TMEM164: variants seen among roughly 807,000 people sequenced by gnomAD.
The protein encoded by TMEM164 is transmembrane protein 164.
Under a neutral mutation model 18.8 loss-of-function variants are expected in TMEM164, and 4 were observed. That is an observed-to-expected ratio of 0.21 (90% CI 0.10 to 0.49). The LOEUF is 0.49. Ranked by LOEUF, TMEM164 falls within the 20% of genes least tolerant of loss-of-function variation. The pLI, the probability that TMEM164 is intolerant of heterozygous loss-of-function variation, is 0.98. For synonymous variants in TMEM164, 86 were observed against 101.7 expected (o/e 0.85, Z 0.93); for missense variants, 108 against 239.9 (o/e 0.45, Z 3.63).
chrX:110,058,212 C>T (rs1461976341), intron 2 of TMEM164, among the ~76,000 whole-genome samples: 2 of 110,811 alleles, frequency 1.8e-5, no homozygotes, highest in Non-Finnish European at 3.8e-5. Flanking sequence ...AGCATCTTTT[C>T]CCCCATTGTG....
intron 2 of TMEM164, among the ~76,000 whole-genome samples, chrX:110,064,644 A>C (rs1461442611): frequency 9.1e-6 from 1 of 110,227 alleles, no homozygotes; most frequent in African/African-American, 3.3e-5. Context: ...ATAATCTTTC[A>C]ATCAGATACA....
intron 5 of TMEM164, among the ~76,000 whole-genome samples, chrX:110,167,906 A>G (rs778017178): frequency 8.9e-6 from 1 of 111,931 alleles, no homozygotes; most frequent in South Asian, 3.8e-4. Flanking sequence ...GTCCCCTGGT[A>G]GTATCTCTGA....
In TMEM164 at chrX:110,046,138, G is replaced by T. The variant is rs141282210; in HGVS notation, c.391-21209G>T. On this transcript the variant is annotated intron_variant, in intron 2 of 6. Coordinates refer to ENST00000372068, the MANE Select transcript of TMEM164 (RefSeq NM_032227.4). ...CTGAAGACTATTCTAGGTATTACGG[G>T]GAACAGTGGAAAAACACAGATACCT... is the stretch of plus-strand genomic sequence containing the variant. The T allele has an allele frequency of 5.7e-5, 43 of 752,591 alleles. No homozygotes were observed. The East Asian group carries it at 5.9e-3, about 104-fold the overall frequency. The allele number at this position is 752,591 out of a possible 1,213,427, so 62.0% of individuals were successfully genotyped here.
At chrX:110,079,454 A>C (rs192886030) in intron 3 of TMEM164, among the ~76,000 whole-genome samples, 2 of 111,799 alleles carry the variant, frequency 1.8e-5, no homozygotes, top group African/African-American at 6.5e-5. Flanking sequence ...CTTGGTAGAC[A>C]TTGCTATGAT....
At chrX:110,055,759 G>A (rs1935795804) in intron 2 of TMEM164, among the ~76,000 whole-genome samples, 1 of 111,279 alleles carries the variant, frequency 9.0e-6, no homozygotes, top group African/African-American at 3.3e-5. Flanking sequence ...GTGAAGATGA[G>A]TCAGGAGGAG....
intron 5 of TMEM164, among the ~76,000 whole-genome samples, chrX:110,157,479 C>T (rs1334199171): frequency 1.8e-5 from 2 of 111,339 alleles, no homozygotes; most frequent in African/African-American, 6.6e-5. Context: ...CCTCCTTTTC[C>T]CTTTCTCTCT....
intron 2 of TMEM164, among the ~76,000 whole-genome samples, chrX:110,015,036 TG>T (rs777650006): frequency 8.9e-6 from 1 of 111,913 alleles, no homozygotes; most frequent in East Asian, 2.8e-4. Context: ...CTCCGGGATA[TG>T]GTAATCCTCT....
chrX:110,173,610 C>A lies in TMEM164; in HGVS notation c.*159C>A. 2.1e-6 allele frequency: 1 copy of A among 483,565 alleles called. No homozygotes were observed. Among genetic ancestry groups the A allele is most frequent in the Non-Finnish European group, 3.4e-6 (1 of 292,223 alleles). The allele number at this position is 483,565 out of a possible 1,213,427, so 39.9% of individuals were successfully genotyped here. ...CCCTTTCTTCTACCACTCTTCCTTT[C>A]CCAGCTCTTCCCCCTACGATGTCTC... On this transcript the variant is annotated 3_prime_UTR_variant, in exon 7 of 7. Coordinates refer to ENST00000372068, the MANE Select transcript of TMEM164 (RefSeq NM_032227.4).
intron 2 of TMEM164, among the ~76,000 whole-genome samples, chrX:110,056,713 T>G (rs1458649288): frequency 9.0e-6 from 1 of 111,714 alleles, no homozygotes; most frequent in Non-Finnish European, 1.9e-5. Flanking sequence ...TGTGTTTGCC[T>G]TTTATATTTT....
At chrX:110,152,883 CTT>C (rs1474052774) in intron 5 of TMEM164, among the ~76,000 whole-genome samples, 1 of 111,497 alleles carries the variant, frequency 9.0e-6, no homozygotes, top group African/African-American at 3.3e-5. Context: ...GATCATAGCT[CTT>C]TGTCATTTGG....
intron 2 of TMEM164, among the ~76,000 whole-genome samples, chrX:110,023,254 C>T (rs777701404): frequency 1.8e-5 from 2 of 111,675 alleles, no homozygotes; most frequent in South Asian, 3.8e-4. Flanking sequence ...CTAATTAGGG[C>T]ACTTTCCTAC....
chrX:110,121,110 G>A (rs2066443080), intron 4 of TMEM164, among the ~76,000 whole-genome samples: 1 of 112,463 alleles, frequency 8.9e-6, no homozygotes, highest in African/African-American at 3.2e-5. Context: ...AAAGAGCTTT[G>A]GAAAGTTAAA....
chrX:110,031,003 C>G (rs1049138405), intron 2 of TMEM164, among the ~76,000 whole-genome samples: 2 of 110,090 alleles, frequency 1.8e-5, no homozygotes, highest in Non-Finnish European at 3.8e-5. Flanking sequence ...TTTGCTGCAC[C>G]CATCAACCCT....
intron 2 of TMEM164, among the ~76,000 whole-genome samples, chrX:110,034,127 C>T (rs1248375200): frequency 8.9e-6 from 1 of 111,906 alleles, no homozygotes; most frequent in African/African-American, 3.2e-5. Flanking sequence ...AGAATCACAG[C>T]TGTTTGATGA....
At chrX:110,111,256 G>C (rs2066286696) in intron 4 of TMEM164, among the ~76,000 whole-genome samples, 1 of 112,315 alleles carries the variant, frequency 8.9e-6, no homozygotes, top group South Asian at 3.7e-4. Context: ...TCCAAAGAAT[G>C]GTAAAAATAA....
Position 110,158,787 on chromosome X carries a change from C to T in TMEM164, c.587-12633C>T, listed in dbSNP as rs1051381880. ...GAGACAGGTTCTGCTGAGATGTGCA[C>T]GACGAAATACACATGCTGCCCATTA... On this transcript the variant is annotated intron_variant, in intron 5 of 6. Transcript: ENST00000372068. Among the ~76,000 whole-genome samples, 11 of 111,803 alleles carry T rather than the reference C, an allele frequency of 9.8e-5. No individual in the cohort carries two copies. The South Asian group carries it at 1.9e-3, about 19-fold the overall frequency.
At chrX:110,030,409 C>T (rs1162060389) in intron 2 of TMEM164, among the ~76,000 whole-genome samples, 2 of 105,840 alleles carry the variant, frequency 1.9e-5, no homozygotes, top group Non-Finnish European at 1.9e-5. Flanking sequence ...CATGAGCCAT[C>T]GCATTCGGCC....
intron 2 of TMEM164, among the ~76,000 whole-genome samples, chrX:110,053,881 C>T (rs1045900541): frequency 2.7e-5 from 3 of 112,188 alleles, no homozygotes; most frequent in Admixed American, 9.4e-5. Context: ...CTTCCCTTCT[C>T]TTCCAGCTTA....
At chrX:110,127,405 C>T (rs2066549776) in intron 4 of TMEM164, among the ~76,000 whole-genome samples, 1 of 111,205 alleles carries the variant, frequency 9.0e-6, no homozygotes, top group African/African-American at 3.3e-5. Context: ...CCCAGCTACT[C>T]GGGAGGCTGA....
Sources: allele counts gnomAD v4.1 joint callset (sites outside exome capture counted in the v4.1 genomes callset), GRCh38; gene constraint gnomAD v4.1.1; transcripts MANE v1.5; gene names NCBI Gene and HGNC (gene_info 2026-07-23, HGNC 2026-07-21).